Variants in RPTOR observed in about 807,000 individuals in gnomAD.
RPTOR encodes regulatory associated protein of MTOR complex 1, also known as regulatory-associated protein of mTOR.
Under a neutral mutation model 169.9 loss-of-function variants are expected in RPTOR, and 21 were observed. That is an observed-to-expected ratio of 0.12 (90% CI 0.09 to 0.18). The LOEUF is 0.18. Ranked by LOEUF, RPTOR falls within the 10% of genes least tolerant of loss-of-function variation. The pLI, the probability that RPTOR is intolerant of heterozygous loss-of-function variation, is 1.00. For synonymous variants in RPTOR, 732 were observed against 753.2 expected, an observed-to-expected ratio of 0.97 and a Z score of 0.46; for missense variants, 1,133 against 1,855.9, an observed-to-expected ratio of 0.61 and a Z score of 7.16.
At chr17:80,857,336 G>C (rs190373305) in intron 12 of RPTOR, among the ~76,000 whole-genome samples, 44 of 152,318 alleles carry the variant, frequency 2.9e-4, no homozygotes, top group African/African-American at 6.3e-4. Context: ...CAAGCTGGCC[G>C]TGCCGTCACG....
chr17:80,965,496 A>T lies in RPTOR; in HGVS notation c.*1166A>T, dbSNP rs2069415510. ...CAGGGCGTGTATGAGCAGTTTTGCA[A>T]ACAGAACACAACCACAATGATGGTA... On this transcript the variant is annotated 3_prime_UTR_variant, in exon 34 of 34. Transcript: ENST00000306801. 1 of 233,282 alleles carries T rather than the reference A, an allele frequency of 4.3e-6. No homozygotes were observed. Among genetic ancestry groups the T allele is most frequent in the Non-Finnish European group, 8.5e-6 (1 of 118,094 alleles). The allele number at this position is 233,282 out of a possible 1,614,324, so 14.5% of individuals were successfully genotyped here.
Position 80,695,135 on chromosome 17 carries a change from C to T in RPTOR, c.349-12706C>T, listed in dbSNP as rs866784760. ...CAGCCTCCTGTTTGTGAGGCAGGAG[C>T]GATGGCAGTGCCCACTGCATGGTGG... On this transcript the variant is annotated intron_variant, in intron 3 of 33. Transcript: ENST00000306801. The surrounding 1 kb of genome is among the most constrained non-coding windows in gnomAD (Gnocchi z 4.9). 9.9e-5 allele frequency among the ~76,000 whole-genome samples: 15 copies of T among 152,210 alleles called. No homozygotes were observed. The Middle Eastern group carries it at 0.017, about 173-fold the overall frequency.
chr17:80,920,178 C>T (rs2068727911), intron 21 of RPTOR, among the ~76,000 whole-genome samples: 1 of 152,246 alleles, frequency 6.6e-6, no homozygotes, highest in Non-Finnish European at 1.5e-5. Context: ...GTACCCTGTC[C>T]TCACACCGAC....
At chr17:80,698,733 G>T (rs2066058407) in intron 3 of RPTOR, among the ~76,000 whole-genome samples, 1 of 152,236 alleles carries the variant, frequency 6.6e-6, no homozygotes, top group Non-Finnish European at 1.5e-5. Context: ...TACCATTCAT[G>T]CAGGTATAAT....
chr17:80,744,369 A>G (rs1197677094), intron 5 of RPTOR, among the ~76,000 whole-genome samples: 35 of 114,428 alleles, frequency 3.1e-4, no homozygotes, highest in South Asian at 2.8e-3. Context: ...TGTCCTGGTT[A>G]CGAGCACAGC....
At chr17:80,942,326 A>G (rs930999613) in intron 25 of RPTOR, among the ~76,000 whole-genome samples, 2 of 151,016 alleles carry the variant, frequency 1.3e-5, no homozygotes, top group African/African-American at 4.9e-5. Context: ...GGCCAAGGTG[A>G]TGCTCTGGCC....
intron 9 of RPTOR, among the ~76,000 whole-genome samples, chr17:80,831,766 CCT>C (rs1367066751): frequency 6.7e-6 from 1 of 148,394 alleles, no homozygotes; most frequent in African/African-American, 2.5e-5. Flanking sequence ...ACTATGTATC[CCT>C]GTGTGTCACT....
intron 4 of RPTOR, among the ~76,000 whole-genome samples, chr17:80,725,148 T>C (rs1215138322): frequency 6.6e-6 from 1 of 152,216 alleles, no homozygotes; most frequent in East Asian, 1.9e-4. Flanking sequence ...CCTTGGAGGC[T>C]GGCGGGCTGC....
At chr17:80,893,667 T>C in intron 19 of RPTOR, 40 bp from the exon 20 acceptor site, 1 of 1,582,978 alleles carries the variant, frequency 6.3e-7, no homozygotes, top group African/African-American at 1.4e-5. Context: ...AAAAGGAGGG[T>C]CCCGGGAGCA....
intron 5 of RPTOR, among the ~76,000 whole-genome samples, chr17:80,750,325 T>C (rs528906088): frequency 3.0e-4 from 46 of 152,374 alleles, no homozygotes; most frequent in Middle Eastern, 3.4e-3. Flanking sequence ...CAGCCATTCT[T>C]ACGTGGCCAG....
At chr17:80,794,135 C>CT (rs991573102) in intron 7 of RPTOR, among the ~76,000 whole-genome samples, 227 of 152,256 alleles carry the variant, frequency 1.5e-3, no homozygotes, top group African/African-American at 5.1e-3. Context: ...CTGAAAGACA[C>CT]GCTGATATGA....
intron 17 of RPTOR, among the ~76,000 whole-genome samples, chr17:80,885,836 C>T (rs545098563): frequency 3.9e-5 from 6 of 152,320 alleles, no homozygotes; most frequent in South Asian, 2.1e-4. Flanking sequence ...CCACCGCGCC[C>T]GGCCAAAACA....
chr17:80,840,490 ACT>A (rs1313544298), intron 10 of RPTOR, among the ~76,000 whole-genome samples: 1 of 118,120 alleles, frequency 8.5e-6, no homozygotes, highest in African/African-American at 3.3e-5. Context: ...ACGGCAGCTC[ACT>A]CTCACCACAC....
chr17:80,859,990 A>G (rs1456476544), intron 13 of RPTOR, among the ~76,000 whole-genome samples: 1 of 152,224 alleles, frequency 6.6e-6, no homozygotes. Context: ...TAGCAAAGTC[A>G]CAGAGCAAGT....
At chr17:80,666,007 GTTTA>G (rs2065776207) in intron 3 of RPTOR, among the ~76,000 whole-genome samples, 1 of 152,162 alleles carries the variant, frequency 6.6e-6, no homozygotes, top group Admixed American at 6.5e-5. Context: ...GTTGTGAAAT[GTTTA>G]CCATGCCTTG....
intron 3 of RPTOR, among the ~76,000 whole-genome samples, chr17:80,656,951 G>GT (rs2065684511): frequency 6.6e-6 from 1 of 152,176 alleles, no homozygotes; most frequent in Non-Finnish European, 1.5e-5. Flanking sequence ...GCCCAGGGCT[G>GT]TTTCCTTTGC....
At position 80,617,987 on chromosome 17, in the gene RPTOR, C is replaced by CTTTTTTTTTTTTTTTTTTTTTTTTTTTT. The variant is rs1197342364; in HGVS notation, c.163-7693_163-7692insTTTTTTTTTTTTTTTTTTTTTTTTTTTT. Among the ~76,000 whole-genome samples, 40 of 146,432 alleles carry CTTTTTTTTTTTTTTTTTTTTTTTTTTTT rather than the reference C, an allele frequency of 2.7e-4. 1 individual carries two copies. Among genetic ancestry groups the CTTTTTTTTTTTTTTTTTTTTTTTTTTTT allele is most frequent in the African/African-American group, 9.5e-4 (37 of 39,136 alleles). On this transcript the variant is annotated intron_variant, in intron 1 of 33. Transcript: ENST00000306801. Reference sequence around the variant, plus strand: ...TTTAGTTTGCTTAAAATAGTTACAACTTTTTTTTTTTAAGACGGGGTCTTG... The same window carrying CTTTTTTTTTTTTTTTTTTTTTTTTTTTT: ...TTTAGTTTGCTTAAAATAGTTACAACTTTTTTTTTTTTTTTTTTTTTTTTTTTTTTTTTTTTTTTAAGACGGGGTCTTG...
At chr17:80,679,814 C>A (rs9319610) in intron 3 of RPTOR, among the ~76,000 whole-genome samples, 61,994 of 152,150 alleles carry the variant, frequency 0.41, 13,213 homozygotes, top group East Asian at 0.56. Context: ...GTTACACAGC[C>A]TTCCTTTCTC....
chr17:80,563,909 G>A (rs753696438), intron 1 of RPTOR, among the ~76,000 whole-genome samples: 6 of 152,064 alleles, frequency 3.9e-5, no homozygotes, highest in Non-Finnish European at 8.8e-5. Context: ...GGTTTCTCTC[G>A]CTCAGCATTG....
Sources: gnomAD v4.1 joint callset for allele counts (sites outside exome capture counted in the v4.1 genomes callset) on GRCh38, gnomAD v4.1.1 for gene constraint, Gnocchi (gnomAD v3.1) non-coding constraint, MANE v1.5 for transcripts, NCBI Gene and HGNC (gene_info 2026-07-23, HGNC 2026-07-21) for gene names.